SLC22A15: variants seen among roughly 807,000 people sequenced by gnomAD.
SLC22A15 encodes the protein solute carrier family 22 member 15.
Under a neutral mutation model 62.7 loss-of-function variants are expected in SLC22A15, and 45 were observed. The ratio of observed to expected loss-of-function variants is 0.72; its 90% CI spans 0.56 to 0.92. The LOEUF is 0.92. SLC22A15 is among the 40% of genes least tolerant of loss of function. The pLI, the probability that SLC22A15 is intolerant of heterozygous loss-of-function variation, is 0.00. For missense variants in SLC22A15, 622 were observed against 665.6 expected, an observed-to-expected ratio of 0.93 and a Z score of 0.72; for synonymous variants, 264 against 267.0, an observed-to-expected ratio of 0.99 and a Z score of 0.11.
intron 4 of SLC22A15, among the ~76,000 whole-genome samples, chr1:116,024,969 T>C (rs192594680): frequency 3.7e-4 from 56 of 151,872 alleles, no homozygotes; most frequent in African/African-American, 1.3e-3. Flanking sequence ...AAATATTCTG[T>C]GATAGATTCA....
At chr1:115,996,261 G>A (rs1164649138) in intron 2 of SLC22A15, among the ~76,000 whole-genome samples, 4 of 152,110 alleles carry the variant, frequency 2.6e-5, no homozygotes, top group African/African-American at 9.7e-5. Context: ...ATAGATTGCC[G>A]CTTTATTCTT....
intron 1 of SLC22A15, among the ~76,000 whole-genome samples, chr1:115,985,806 G>A (rs1465679995): frequency 6.6e-6 from 1 of 151,930 alleles, no homozygotes. Flanking sequence ...AATTAGCTGG[G>A]TGTGGTGGCG....
Position 116,035,232 on chromosome 1 carries a change from T to C in SLC22A15, c.990T>C (p.Gly330=), listed in dbSNP as rs1352998276. ...ATTATGGCCTAACTCTGAGTGCGGG[T>C]GATCTAGGTGGAAGTATTTATGCCA... is the stretch of plus-strand genomic sequence containing the variant. ...LVYYGLTLSA[G]DLGGSIYANL... Residue 330 remains glycine (G), a synonymous_variant, in exon 7 of 12, where the codon GGT becomes GGC. Coordinates refer to ENST00000369503, the MANE Select transcript of SLC22A15 (RefSeq NM_018420.3). 6.2e-7 allele frequency: 1 copy of C among 1,613,402 alleles called. No homozygotes were observed. The highest frequency in any genetic ancestry group is 8.5e-7 in the Non-Finnish European group (1 of 1,179,540).
chr1:116,058,525 A>T (rs1214465761), intron 8 of SLC22A15, among the ~76,000 whole-genome samples: 1 of 152,216 alleles, frequency 6.6e-6, no homozygotes, highest in East Asian at 1.9e-4. Flanking sequence ...GTGGGAATAT[A>T]AACTAGTACA....
At chr1:116,038,458 G>A (rs1657691523) in intron 8 of SLC22A15, among the ~76,000 whole-genome samples, 1 of 152,256 alleles carries the variant, frequency 6.6e-6, no homozygotes, top group Admixed American at 6.5e-5. Flanking sequence ...TGCCCCCTGA[G>A]TTCTATACCT....
chr1:116,055,900 G>A (rs1195626333), intron 8 of SLC22A15, among the ~76,000 whole-genome samples: 12 of 148,882 alleles, frequency 8.1e-5, no homozygotes, highest in Admixed American at 2.0e-4. Context: ...TTGATGGGAC[G>A]TATCTCAAAA....
In SLC22A15 at chr1:116,020,768, T is replaced by G. The variant is rs201127029; in HGVS notation, c.481T>G (p.Ser161Ala). ...LFAIANGFSP[S>A]YEFFAVTRFL... The stretch of plus-strand genomic sequence containing the variant: ...TGCAATTGCAAATGGATTTTCCCCC[T>G]CATATGAGTTCTTTGCAGTAACTCG... The change falls in exon 4 of 12, where the codon TCA becomes GCA. Residue 161 changes from serine to alanine, a missense_variant. Ser to Ala is a moderately conservative substitution (Grantham distance 99, BLOSUM62 1). Coordinates refer to ENST00000369503, the MANE Select transcript of SLC22A15 (RefSeq NM_018420.3). 1 of 1,613,768 alleles carries G rather than the reference T, an allele frequency of 6.2e-7. No homozygotes were observed.
intron 1 of SLC22A15, among the ~76,000 whole-genome samples, chr1:115,985,089 G>A: frequency 6.6e-6 from 1 of 152,030 alleles, no homozygotes; most frequent in East Asian, 1.9e-4. Flanking sequence ...AGTGTCCTAG[G>A]CCTTCACATC....
At chr1:116,022,358 T>A (rs1030837471) in intron 4 of SLC22A15, among the ~76,000 whole-genome samples, 8 of 152,184 alleles carry the variant, frequency 5.3e-5, no homozygotes, top group African/African-American at 1.7e-4. Flanking sequence ...GTAATGATGG[T>A]GATCATGCCT....
chr1:115,993,443 G>GTGTGTT (rs1655254835), intron 2 of SLC22A15, among the ~76,000 whole-genome samples: 1 of 149,774 alleles, frequency 6.7e-6, no homozygotes, highest in African/African-American at 2.5e-5. Context: ...GTGTGTGTGT[G>GTGTGTT]TGTGTGTGTG....
chr1:115,991,945 C>A, intron 1 of SLC22A15, 86 bp from the exon 2 acceptor site: 1 of 1,126,144 alleles, frequency 8.9e-7, no homozygotes, highest in Non-Finnish European at 1.3e-6. Flanking sequence ...AGACACTGAT[C>A]TTTCAAGGTT....
At chr1:116,048,378 C>G (rs991093111) in intron 8 of SLC22A15, among the ~76,000 whole-genome samples, 8 of 152,190 alleles carry the variant, frequency 5.3e-5, no homozygotes, top group South Asian at 2.1e-4. Flanking sequence ...AGATTAACGG[C>G]AGATTTCTCA....
intron 8 of SLC22A15, among the ~76,000 whole-genome samples, chr1:116,058,159 C>T (rs547004461): frequency 7.9e-5 from 12 of 151,994 alleles, no homozygotes; most frequent in Admixed American, 2.0e-4. Flanking sequence ...GCAAAAGGCA[C>T]AGTCAGCAGA....
chr1:116,029,705 T>C (rs923524956), intron 5 of SLC22A15, among the ~76,000 whole-genome samples: 7 of 152,212 alleles, frequency 4.6e-5, no homozygotes, highest in Non-Finnish European at 7.3e-5. Flanking sequence ...AAATACCAGC[T>C]TTAAAATGAT....
intron 8 of SLC22A15, among the ~76,000 whole-genome samples, chr1:116,047,522 G>A (rs12067438): frequency 0.11 from 17,276 of 152,122 alleles, 1,526 homozygotes; most frequent in African/African-American, 0.24. Context: ...TGTTATCCAC[G>A]GCTGAGAGAC....
chr1:116,030,220 G>A (rs968026901), intron 5 of SLC22A15, among the ~76,000 whole-genome samples: 2 of 152,058 alleles, frequency 1.3e-5, no homozygotes, highest in African/African-American at 4.8e-5. Context: ...CCTGCCTTTT[G>A]GTTTCCAGCA....
Position 116,067,397 on chromosome 1 carries a change from A to G in SLC22A15, c.*289A>G. ...GCCCAAACCCACATTCCAAAGTGGT[A>G]GGCTCATTTGTTTCTAGAGATTTCA... On this transcript the variant is annotated 3_prime_UTR_variant, in exon 12 of 12. Transcript: ENST00000369503. 3.0e-6 allele frequency: 1 copy of G among 329,876 alleles called. No individual in the cohort carries two copies. The highest frequency in any genetic ancestry group is 5.5e-6 in the Non-Finnish European group (1 of 180,382). 20.4% of individuals were successfully genotyped at this position (329,876 alleles called of 1,614,324 possible).
chr1:116,068,433 G>A lies in SLC22A15; in HGVS notation c.*1325G>A, dbSNP rs1658545847. 1 of 152,500 alleles carries A rather than the reference G, an allele frequency of 6.6e-6. No individual in the cohort carries two copies. The allele number at this position is 152,500 out of a possible 1,614,324, so 9.4% of individuals were successfully genotyped here. On this transcript the variant is annotated 3_prime_UTR_variant, in exon 12 of 12. Coordinates refer to ENST00000369503, the MANE Select transcript of SLC22A15 (RefSeq NM_018420.3). ...GACGTCACTGTGGCTGCTTCTGGAA[G>A]TGCTGGAAGCATCACCCCAATTGGC...
chr1:116,032,226 T>C (rs1029738880), intron 6 of SLC22A15: 1 of 985,262 alleles, frequency 1.0e-6, no homozygotes, highest in African/African-American at 1.7e-5. Flanking sequence ...TCAGCGTGAG[T>C]GTAAGTTGCA....
Sources: gnomAD v4.1 joint callset for allele counts (sites outside exome capture counted in the v4.1 genomes callset) on GRCh38, gnomAD v4.1.1 for gene constraint, MANE v1.5 for transcripts, NCBI Gene and HGNC (gene_info 2026-07-23, HGNC 2026-07-21) for gene names.